The following BICC1 variants were observed in gnomAD, a reference collection of about 807,000 sequenced individuals.
BICC1 encodes the protein BicC family RNA binding protein 1.
BICC1 carries 43 observed loss-of-function variants against 111.0 expected under a neutral mutation model. That is an observed-to-expected ratio of 0.39 (90% CI 0.30 to 0.50). The LOEUF (loss-of-function observed/expected upper bound fraction) is 0.50, where lower values mean the gene tolerates loss of function less well. Among genes scored for constraint, BICC1 ranks in the 20% least tolerant of loss-of-function variants. BICC1 has a pLI of 0.88. For missense variants in BICC1, 1,091 were observed against 1,203.2 expected, an observed-to-expected ratio of 0.91 and a Z score of 1.38; for synonymous variants, 467 against 434.4, an observed-to-expected ratio of 1.07 and a Z score of -0.93.
Position 58,794,268 on chromosome 10 carries a change from G to T in BICC1, c.1179+653G>T, listed in dbSNP as rs1026364537. ...CTACTTACTATATGCCATCTCCTGC[G>T]CAAGCTGGAGAGTTAAAGAAGAGGT... is the stretch of plus-strand genomic sequence containing the variant. On this transcript the variant is annotated intron_variant, in intron 9 of 20. Coordinates refer to ENST00000373886, the MANE Select transcript of BICC1 (RefSeq NM_001080512.3). Among the ~76,000 whole-genome samples the T allele has an allele frequency of 6.6e-5, 10 of 151,416 alleles. No homozygotes were observed. In the East Asian group the frequency reaches 1.8e-3, roughly 27 times the overall value.
chr10:58,529,836 G>A (rs1842635077), intron 1 of BICC1, among the ~76,000 whole-genome samples: 1 of 151,832 alleles, frequency 6.6e-6, no homozygotes, highest in South Asian at 2.1e-4. Context: ...TATCTGAGAT[G>A]CATTATCTAA....
At chr10:58,767,459 G>A (rs1047229346) in intron 3 of BICC1, among the ~76,000 whole-genome samples, 1 of 152,092 alleles carries the variant, frequency 6.6e-6, no homozygotes, top group Non-Finnish European at 1.5e-5. Flanking sequence ...AGTCAGTAAA[G>A]ACTGGAGGAG....
At chr10:58,672,924 A>G (rs1034473140) in intron 2 of BICC1, among the ~76,000 whole-genome samples, 4 of 152,212 alleles carry the variant, frequency 2.6e-5, no homozygotes, top group Non-Finnish European at 1.5e-5. Flanking sequence ...TTGAGAAGCT[A>G]AAGATTCACC....
intron 1 of BICC1, among the ~76,000 whole-genome samples, chr10:58,521,768 GTTT>G (rs573116230): frequency 1.6e-3 from 180 of 112,412 alleles, no homozygotes; most frequent in East Asian, 3.3e-3. Context: ...GGAATGTGGT[GTTT>G]TTTTTTTTTT....
rs369597351 is a variant in BICC1 at position 58,820,124 on chromosome 10, A to T, written c.2695-245A>T. Among the ~76,000 whole-genome samples the T allele has an allele frequency of 2.0e-4, 31 of 152,236 alleles. No homozygotes were observed. The East Asian group carries it at 4.4e-3, about 22-fold the overall frequency. On this transcript the variant is annotated intron_variant, in intron 19 of 20. Transcript: ENST00000373886. ...TTTTATCAGTTCACAAAAATGGTAC[A>T]ATCTTTGTGTTTCCTTTCTTGCTAT...
Position 58,831,343 on chromosome 10 carries a change from T to C in BICC1, c.*2452T>C, listed in dbSNP as rs1350276563. On this transcript the variant is annotated 3_prime_UTR_variant, in exon 21 of 21. Coordinates refer to ENST00000373886, the MANE Select transcript of BICC1 (RefSeq NM_001080512.3). Reference sequence around the variant, plus strand: ...GTGATTTTTTTCCAAAAACGAGAGATGGAATTAACATTGAAAATGGGAAAT... The same window carrying C: ...GTGATTTTTTTCCAAAAACGAGAGACGGAATTAACATTGAAAATGGGAAAT... The C allele has an allele frequency of 6.6e-6, 1 of 152,118 alleles. No homozygotes were observed. The highest frequency in any genetic ancestry group is 1.5e-5 in the Non-Finnish European group (1 of 68,016). 9.4% of individuals were successfully genotyped at this position (152,118 alleles called of 1,614,324 possible).
intron 1 of BICC1, among the ~76,000 whole-genome samples, chr10:58,566,157 T>TGTGTGTATATATACATATACACAC (rs1197766678): frequency 5.4e-4 from 81 of 151,316 alleles, no homozygotes; most frequent in Non-Finnish European, 9.1e-4. Context: ...GATGTGTGTG[T>TGTGTGTATATATACATATACACAC]GTGTGTATAT....
intron 3 of BICC1, among the ~76,000 whole-genome samples, chr10:58,741,811 G>A (rs760928309): frequency 5.9e-5 from 9 of 152,154 alleles, no homozygotes; most frequent in Non-Finnish European, 1.0e-4. Flanking sequence ...CCTAGGAGAC[G>A]AGACGAGTCA....
At chr10:58,719,367 C>A (rs950546050) in intron 3 of BICC1, among the ~76,000 whole-genome samples, 2 of 152,208 alleles carry the variant, frequency 1.3e-5, no homozygotes, top group Non-Finnish European at 2.9e-5. Context: ...CCTTTTCCAA[C>A]TGGCCAACTC....
intron 1 of BICC1, among the ~76,000 whole-genome samples, chr10:58,564,549 C>T (rs563187956): frequency 1.0e-3 from 157 of 152,330 alleles, no homozygotes; most frequent in African/African-American, 3.7e-3. Flanking sequence ...TGACATTATG[C>T]TGTTTTCTAC....
intron 3 of BICC1, among the ~76,000 whole-genome samples, chr10:58,763,302 C>G (rs1238996673): frequency 6.6e-6 from 1 of 152,140 alleles, no homozygotes; most frequent in African/African-American, 2.4e-5. Flanking sequence ...ACACTAGTCA[C>G]TGTAGCTGAT....
At chr10:58,824,137 C>T in intron 20 of BICC1, 1 of 977,916 alleles carries the variant, frequency 1.0e-6, no homozygotes, top group Non-Finnish European at 1.2e-6. Context: ...ATTCCTGATG[C>T]CTTGGTTGGT....
intron 1 of BICC1, among the ~76,000 whole-genome samples, chr10:58,614,245 T>C (rs1845529457): frequency 6.6e-6 from 1 of 152,104 alleles, no homozygotes. Context: ...TGAAAGTCCT[T>C]CAGGTGACCT....
intron 2 of BICC1, among the ~76,000 whole-genome samples, chr10:58,641,438 C>A (rs1214608110): frequency 6.6e-6 from 1 of 151,790 alleles, no homozygotes; most frequent in Non-Finnish European, 1.5e-5. Context: ...GATGATTTGG[C>A]GCCATCTAGG....
chr10:58,552,251 A>G (rs976097461), intron 1 of BICC1, among the ~76,000 whole-genome samples: 2 of 152,120 alleles, frequency 1.3e-5, no homozygotes, highest in Non-Finnish European at 2.9e-5. Context: ...ATGTTTTACT[A>G]TACAGATTTA....
At chr10:58,644,471 A>G (rs1399053311) in intron 2 of BICC1, among the ~76,000 whole-genome samples, 3 of 152,122 alleles carry the variant, frequency 2.0e-5, no homozygotes, top group Non-Finnish European at 4.4e-5. Flanking sequence ...TCTGTGCAGC[A>G]CAGAAACAGA....
intron 1 of BICC1, among the ~76,000 whole-genome samples, chr10:58,599,545 AT>A (rs1844954613): frequency 6.6e-6 from 1 of 152,160 alleles, no homozygotes; most frequent in Non-Finnish European, 1.5e-5. Context: ...GAAATACCTA[AT>A]GTAGGTGATG....
At chr10:58,670,773 A>G (rs1382287915) in intron 2 of BICC1, among the ~76,000 whole-genome samples, 2 of 152,226 alleles carry the variant, frequency 1.3e-5, no homozygotes, top group Non-Finnish European at 2.9e-5. Flanking sequence ...TTTATTCATG[A>G]AAGCCAAAAA....
intron 1 of BICC1, among the ~76,000 whole-genome samples, chr10:58,542,697 A>G (rs147295156): frequency 4.6e-5 from 7 of 152,258 alleles, no homozygotes; most frequent in Non-Finnish European, 8.8e-5. Flanking sequence ...TGGGCAAAGG[A>G]CTCGAATATA....
Sources: gnomAD v4.1 joint callset for allele counts (sites outside exome capture counted in the v4.1 genomes callset) on GRCh38, gnomAD v4.1.1 for gene constraint, MANE v1.5 for transcripts, NCBI Gene and HGNC (gene_info 2026-07-23, HGNC 2026-07-21) for gene names.